Variants in PLEKHB1 observed in about 807,000 individuals in gnomAD.
PLEKHB1 encodes the protein pleckstrin homology domain-containing family B member 1.
In PLEKHB1, 29 loss-of-function variants were observed where a neutral mutation model predicts 36.2. The observed-to-expected ratio is 0.80, with a 90% CI of 0.60 to 1.09. The LOEUF is 1.09. Ranked by LOEUF, PLEKHB1 falls within the 50% of genes least tolerant of loss-of-function variation. The pLI is 0.00. For missense variants in PLEKHB1, 330 were observed against 348.2 expected, an observed-to-expected ratio of 0.95 and a Z score of 0.42; for synonymous variants, 138 against 140.0, an observed-to-expected ratio of 0.99 and a Z score of 0.10.
At position 73,660,868 on chromosome 11, in the gene PLEKHB1, G is replaced by A. The variant is rs1001073779; in HGVS notation, c.595+16G>A. ...CCCTACGCAGGTAAGTCTCCAGCGT[G>A]CCCCGGGGCTTGCCTCGATCCAGCA... is the stretch of plus-strand genomic sequence containing the variant. On this transcript the variant is annotated intron_variant, in intron 7 of 7. Coordinates refer to ENST00000354190, the MANE Select transcript of PLEKHB1 (RefSeq NM_021200.3). The A allele has an allele frequency of 6.4e-7, 1 of 1,568,042 alleles. No individual in the cohort carries two copies. Among genetic ancestry groups the A allele is most frequent in the Non-Finnish European group, 8.6e-7 (1 of 1,157,406 alleles).
chr11:73,651,058 G>A (rs1255940306), intron 3 of PLEKHB1, among the ~76,000 whole-genome samples: 1 of 151,674 alleles, frequency 6.6e-6, no homozygotes, highest in African/African-American at 2.4e-5. Context: ...GCCGAGGCAG[G>A]AGAATTGCTT....
intron 6 of PLEKHB1, chr11:73,660,432 A>C: frequency 3.2e-6 from 1 of 309,390 alleles, no homozygotes; most frequent in South Asian, 4.6e-5. Flanking sequence ...AAGTGGCATT[A>C]TTGTAGAGCT....
chr11:73,649,276 C>T (rs576909313), intron 2 of PLEKHB1, among the ~76,000 whole-genome samples, 189 bp downstream of exon 2: 5 of 152,268 alleles, frequency 3.3e-5, no homozygotes, highest in South Asian at 2.1e-4. Flanking sequence ...TTGTTCATCA[C>T]GACCCATCTC....
chr11:73,661,578 C>T lies in PLEKHB1; in HGVS notation c.708C>T (p.Leu236=). 1 of 1,600,374 alleles carries T rather than the reference C, an allele frequency of 6.2e-7. No individual in the cohort carries two copies. Among genetic ancestry groups the T allele is most frequent in the Non-Finnish European group, 8.5e-7 (1 of 1,173,702 alleles). The change falls in exon 8 of 8, where the codon CTC becomes CTT. Residue 236 remains leucine (L), a synonymous_variant. Coordinates refer to ENST00000354190, the MANE Select transcript of PLEKHB1 (RefSeq NM_021200.3). The surrounding 1 kb of genome is among the most constrained non-coding windows in gnomAD (Gnocchi z 4.6). ...CCACTGGGGCGGCGCTGGGCTCGCTCATGTGGTCGCCCTGCTGGTTCTGAG... is the reference window on the plus strand; with the variant it reads ...CCACTGGGGCGGCGCTGGGCTCGCTTATGTGGTCGCCCTGCTGGTTCTGAG... ...GAATGAALGS[L]MWSPCWF
chr11:73,660,953 A>G (rs945620773), intron 7 of PLEKHB1, 101 bp downstream of exon 7: 21 of 1,098,934 alleles, frequency 1.9e-5, no homozygotes, highest in Non-Finnish European at 2.7e-5. Flanking sequence ...TCATCCTTTT[A>G]GCGTGCACGG....
chr11:73,653,009 AC>A lies in PLEKHB1; in HGVS notation c.389del (p.Pro130ArgfsTer22). ...GACAGCACTGCTGGAGGCAAACTCC[AC>A]CCCGGTGAGTCTCCCGTTCTCTCCC... is the stretch of plus-strand genomic sequence containing the variant. Reference protein sequence around the residue: ...WKTALLEANSTPAPAGATVPP... With the variant: ...WKTALLEANSXPAPAGATVPP... On this transcript the variant is annotated frameshift_variant, in exon 5 of 8. Transcript: ENST00000354190. LOFTEE classifies it high-confidence loss of function. 6.8e-6 allele frequency: 11 copies of A among 1,608,856 alleles called. No homozygotes were observed. Among genetic ancestry groups the A allele is most frequent in the Non-Finnish European group, 9.3e-6 (11 of 1,176,558 alleles).
Position 73,655,786 on chromosome 11 carries a change from T to G in PLEKHB1, c.391-17T>G. ...CCTCCCTCCCTCCTCCTTCTTGGGTTTCTGTGGCTTGAGCAGGCCCCAGCT... is the reference window on the plus strand; with the variant it reads ...CCTCCCTCCCTCCTCCTTCTTGGGTGTCTGTGGCTTGAGCAGGCCCCAGCT... On this transcript the variant is annotated splice_polypyrimidine_tract_variant and intron_variant, in intron 5 of 7. Coordinates refer to ENST00000354190, the MANE Select transcript of PLEKHB1 (RefSeq NM_021200.3). 1 of 1,612,244 alleles carries G rather than the reference T, an allele frequency of 6.2e-7. No homozygotes were observed. The highest frequency in any genetic ancestry group is 8.5e-7 in the Non-Finnish European group (1 of 1,179,088).
At chr11:73,659,149 C>T (rs1254848128) in intron 6 of PLEKHB1, among the ~76,000 whole-genome samples, 1 of 151,660 alleles carries the variant, frequency 6.6e-6, no homozygotes, top group Non-Finnish European at 1.5e-5. Context: ...TCGCTTGAAC[C>T]CGGGAGGCGG....
chr11:73,652,917 GC>G, intron 4 of PLEKHB1, 57 bp from the exon 5 acceptor site: 1 of 1,471,450 alleles, frequency 6.8e-7, no homozygotes, highest in Non-Finnish European at 9.3e-7. Context: ...AAATGTGGGG[GC>G]CCAATTCACC....
intron 6 of PLEKHB1, chr11:73,660,529 G>A (rs1260997746): frequency 5.4e-6 from 3 of 559,654 alleles, no homozygotes; most frequent in Non-Finnish European, 6.4e-6. Flanking sequence ...GTTGGAGAAT[G>A]GGTGTCACTG....
At position 73,660,825 on chromosome 11, in the gene PLEKHB1, C is replaced by T. The variant is rs1463569628; in HGVS notation, c.568C>T (p.Arg190Cys). Reference sequence around the variant, plus strand: ...CAATGCACACGAGGCCACGTATGTCCGCAGCTACTACGGACCGCCCTACGC... The same window carrying T: ...CAATGCACACGAGGCCACGTATGTCTGCAGCTACTACGGACCGCCCTACGC... ...PPNAHEATYV[R>C]SYYGPPYAGP... The change falls in exon 7 of 8, where the codon CGC (arginine) becomes TGC (cysteine). Residue 190 changes from arginine to cysteine, a missense_variant. Coordinates refer to ENST00000354190, the MANE Select transcript of PLEKHB1 (RefSeq NM_021200.3). 2.5e-6 allele frequency: 4 copies of T among 1,598,302 alleles called. No individual in the cohort carries two copies. The highest frequency in any genetic ancestry group is 3.4e-5 in the Admixed American group (2 of 58,192).
At chr11:73,660,166 G>A (rs1945075601) in intron 6 of PLEKHB1, 1 of 152,976 alleles carries the variant, frequency 6.5e-6, no homozygotes, top group Non-Finnish European at 1.5e-5. Context: ...GGAGCAATAG[G>A]ATATACCATA....
At position 73,649,178 on chromosome 11, in the gene PLEKHB1, G is replaced by C. The variant is rs552336105; in HGVS notation, c.94+91G>C. 1.2e-5 allele frequency: 17 copies of C among 1,460,972 alleles called. No individual in the cohort carries two copies. The East Asian group carries it at 4.0e-4, about 35-fold the overall frequency. The allele number at this position is 1,460,972 out of a possible 1,614,324, so 90.5% of individuals were successfully genotyped here. On this transcript the variant is annotated intron_variant, in intron 2 of 7. Transcript: ENST00000354190. The stretch of plus-strand genomic sequence containing the variant: ...GGGAACACTTCTCTCAAGAAACCAG[G>C]ACCTTTTCATCCTTCCCTTGTTTGT...
In PLEKHB1 at chr11:73,649,033, G is replaced by GA; in HGVS notation, c.43dup (p.Ser15LysfsTer4). 1.2e-6 allele frequency: 2 copies of GA among 1,600,134 alleles called. No individual in the cohort carries two copies. Among genetic ancestry groups the GA allele is most frequent in the South Asian group, 2.3e-5 (2 of 88,208 alleles). ...ACAGGTCCCGCCTGACTCCGCTCTG[G>GA]AAAGTCCTTTTGAAGAAATGGCCCT... On this transcript the variant is annotated frameshift_variant, in exon 2 of 8. Transcript: ENST00000354190. LOFTEE classifies it high-confidence loss of function.
In PLEKHB1 at chr11:73,650,613, G is replaced by A. The variant is rs766497372; in HGVS notation, c.155G>A (p.Gly52Glu). 3 of 1,613,346 alleles carry A rather than the reference G, an allele frequency of 1.9e-6. No individual in the cohort carries two copies. Among genetic ancestry groups the A allele is most frequent in the Admixed American group, 1.7e-5 (1 of 59,930 alleles). The part of the protein sequence containing the change: ...WFALWLDGTL[G>E]YYHDETAQDE... Reference sequence around the variant, plus strand: ...GCCCTGTGGCTGGACGGGACCCTGGGATACTACCACGATGAGACAGCGCAG... The same window carrying A: ...GCCCTGTGGCTGGACGGGACCCTGGAATACTACCACGATGAGACAGCGCAG... Residue 52 changes from glycine (G) to glutamate (E), a missense_variant, in exon 3 of 8, where the codon GGA becomes GAA. Physicochemically the swap from Gly to Glu is moderately conservative, Grantham distance 98. Coordinates refer to ENST00000354190, the MANE Select transcript of PLEKHB1 (RefSeq NM_021200.3).
intron 5 of PLEKHB1, chr11:73,653,556 ATAACAGCTCTGACAGAGATTTGC>A: frequency 4.6e-6 from 2 of 434,780 alleles, no homozygotes; most frequent in Non-Finnish European, 9.3e-6. Flanking sequence ...TTCAATAGTA[ATAACAGCTCTGACAGAGATTTGC>A]AGTGTCTGGC....
Position 73,661,473 on chromosome 11 carries a change from C to A in PLEKHB1, c.603C>A (p.Gly201=), listed in dbSNP as rs1945119047. The change falls in exon 8 of 8, where the codon GGC becomes GGA. Residue 201 remains glycine, a synonymous_variant. Transcript: ENST00000354190. The surrounding 1 kb of genome is among the most constrained non-coding windows in gnomAD (Gnocchi z 4.6). ...SYYGPPYAGP[G]VTHVIVREDP... The stretch of plus-strand genomic sequence containing the variant: ...GGCTGTCTCCCTCTGCAGGCCCTGG[C>A]GTGACGCACGTGATAGTGCGGGAGG... 2 of 1,613,766 alleles carry A rather than the reference C, an allele frequency of 1.2e-6. No homozygotes were observed. Among genetic ancestry groups the A allele is most frequent in the Non-Finnish European group, 1.7e-6 (2 of 1,179,746 alleles).
In PLEKHB1 at chr11:73,661,448, G is replaced by A. The variant is rs1945118046; in HGVS notation, c.596-18G>A. The A allele has an allele frequency of 6.2e-7, 1 of 1,613,564 alleles. No homozygotes were observed. Among genetic ancestry groups the A allele is most frequent in the South Asian group, 1.1e-5 (1 of 91,072 alleles). ...CCCTCCTAAGTCGCTGATCCTCATG[G>A]GCTGTCTCCCTCTGCAGGCCCTGGC... On this transcript the variant is annotated intron_variant, in intron 7 of 7. Transcript: ENST00000354190. The surrounding 1 kb of genome is among the most constrained non-coding windows in gnomAD (Gnocchi z 4.6).
chr11:73,648,837 G>A (rs577064718), intron 1 of PLEKHB1, 175 bp from the exon 2 acceptor site: 48 of 1,362,232 alleles, frequency 3.5e-5, no homozygotes, highest in Non-Finnish European at 3.9e-5. Context: ...CACAGTGACA[G>A]TGCTCCCATT....
Sources: allele counts gnomAD v4.1 joint callset (sites outside exome capture counted in the v4.1 genomes callset), GRCh38; gene constraint gnomAD v4.1.1; non-coding constraint Gnocchi (gnomAD v3.1); transcripts MANE v1.5; gene names NCBI Gene and HGNC (gene_info 2026-07-23, HGNC 2026-07-21).